Variants in FRMD3 observed in about 807,000 individuals in gnomAD.
The protein encoded by FRMD3 is FERM domain-containing protein 3.
A neutral mutation model predicts 70.2 loss-of-function variants in FRMD3; 33 were observed. The observed-to-expected ratio is 0.47, with a 90% CI of 0.36 to 0.63. The LOEUF (loss-of-function observed/expected upper bound fraction) is 0.63. FRMD3 is among the 20% of genes least tolerant of loss of function. The pLI, the probability that FRMD3 is intolerant of heterozygous loss-of-function variation, is 0.00. For synonymous variants in FRMD3, 279 were observed against 255.9 expected, an observed-to-expected ratio of 1.09 and a Z score of -0.86; for missense variants, 632 against 711.4, an observed-to-expected ratio of 0.89 and a Z score of 1.27.
At chr9:83,562,098 G>C in the FRMD3 span, among the ~76,000 whole-genome samples, 1 of 152,198 alleles carries the variant, frequency 6.6e-6, no homozygotes, top group African/African-American at 2.4e-5. Context: ...GGTCTTGGGA[G>C]GGTATGAGAT....
intron 13 of FRMD3, among the ~76,000 whole-genome samples, chr9:83,282,940 T>C (rs566957099): frequency 6.6e-6 from 1 of 152,260 alleles, no homozygotes; most frequent in Non-Finnish European, 1.5e-5. Flanking sequence ...TGAGCTTCCT[T>C]ACAACACAGT....
intron 1 of FRMD3, among the ~76,000 whole-genome samples, chr9:83,520,092 T>C (rs991245483): frequency 6.6e-6 from 1 of 152,130 alleles, no homozygotes; most frequent in Non-Finnish European, 1.5e-5. Context: ...TGTATACCTA[T>C]GTAACAAACC....
chr9:83,391,552 C>T (rs1825665731), intron 1 of FRMD3, among the ~76,000 whole-genome samples: 5 of 152,166 alleles, frequency 3.3e-5, no homozygotes, highest in Admixed American at 3.3e-4. Context: ...TTGAGCAGGC[C>T]TTGATTGTTC....
intron 6 of FRMD3, among the ~76,000 whole-genome samples, chr9:83,334,571 G>A (rs747062465): frequency 8.5e-5 from 13 of 152,134 alleles, no homozygotes; most frequent in Non-Finnish European, 1.6e-4. Context: ...AGTTCTTGCA[G>A]TTTTTCATCA....
intron 13 of FRMD3, among the ~76,000 whole-genome samples, chr9:83,272,691 T>C (rs1166812371): frequency 1.7e-5 from 2 of 117,080 alleles, no homozygotes; most frequent in African/African-American, 7.6e-5. Context: ...GTCTGGGAAG[T>C]GAGGAGCGCC....
At chr9:83,532,467 T>C (rs1829809202) in intron 1 of FRMD3, among the ~76,000 whole-genome samples, 2 of 152,188 alleles carry the variant, frequency 1.3e-5, no homozygotes, top group Admixed American at 1.3e-4. Flanking sequence ...TAGAATTTGA[T>C]CATACAAAGA....
intron 1 of FRMD3, among the ~76,000 whole-genome samples, chr9:83,475,066 C>A (rs1268546960): frequency 6.6e-6 from 1 of 152,138 alleles, no homozygotes; most frequent in Non-Finnish European, 1.5e-5. Flanking sequence ...AATACACCAT[C>A]AAGAGCCTCC....
At chr9:83,390,784 A>G (rs1317043841) in intron 1 of FRMD3, among the ~76,000 whole-genome samples, 1 of 152,210 alleles carries the variant, frequency 6.6e-6, no homozygotes, top group Non-Finnish European at 1.5e-5. Flanking sequence ...TAGAGATGTG[A>G]CCTATTAAAA....
chr9:83,311,929 A>G lies in FRMD3; in HGVS notation c.731T>C (p.Phe244Ser). 6.2e-7 allele frequency: 1 copy of G among 1,612,766 alleles called. No individual in the cohort carries two copies. The highest frequency in any genetic ancestry group is 8.5e-7 in the Non-Finnish European group (1 of 1,179,532). Residue 244 changes from phenylalanine to serine, a missense_variant, in exon 8 of 14, where the codon TTT becomes TCT. By Grantham distance (155) the Phe-to-Ser change is radical. Transcript: ENST00000304195. ...TCTCTTATTTCCCTGAAAGACCACA[A>G]AGCCTGCAGCTGTGAATCCTAAAAA... ...TTFLGFTAAGFVVFQGNKRIH... is the reference protein window; with the variant it reads ...TTFLGFTAAGSVVFQGNKRIH...
intron 13 of FRMD3, among the ~76,000 whole-genome samples, chr9:83,259,946 T>A (rs935580516): frequency 6.6e-6 from 1 of 152,144 alleles, no homozygotes; most frequent in African/African-American, 2.4e-5. Context: ...CTGGAAAATA[T>A]GATGGAGTGA....
intron 3 of FRMD3, among the ~76,000 whole-genome samples, chr9:83,352,544 C>T (rs1023964200): frequency 1.3e-5 from 2 of 152,208 alleles, no homozygotes; most frequent in Non-Finnish European, 2.9e-5. Context: ...GTTCTCCTCA[C>T]TTCAAGCTCT....
At chr9:83,357,293 ATAT>A (rs1404032460) in intron 3 of FRMD3, among the ~76,000 whole-genome samples, 10 of 87,264 alleles carry the variant, frequency 1.1e-4, no homozygotes, top group African/African-American at 4.2e-4. Flanking sequence ...ATATATATAT[ATAT>A]AAAACATTTT....
intron 1 of FRMD3, among the ~76,000 whole-genome samples, chr9:83,453,955 T>C (rs1049428549): frequency 2.0e-5 from 3 of 152,098 alleles, no homozygotes; most frequent in Admixed American, 6.6e-5. Flanking sequence ...GACCTCGTGA[T>C]CCATCTGCCT....
At chr9:83,330,336 A>AC (rs1256093705) in intron 6 of FRMD3, among the ~76,000 whole-genome samples, 1 of 136,606 alleles carries the variant, frequency 7.3e-6, no homozygotes, top group South Asian at 2.2e-4. Flanking sequence ...AAAAAAAAAA[A>AC]ACAAAAAAAA....
chr9:83,264,808 G>T lies in FRMD3; in HGVS notation c.1196-16292C>A, dbSNP rs576189590. Among the ~76,000 whole-genome samples, 11 of 126,178 alleles carry T rather than the reference G, an allele frequency of 8.7e-5. No individual in the cohort carries two copies. In the South Asian group the frequency reaches 1.2e-3, roughly 14 times the overall value. 82.8% of individuals were successfully genotyped at this position (126,178 alleles called of 152,430 possible). On this transcript the variant is annotated intron_variant, in intron 13 of 13. Transcript: ENST00000304195. ...TTGCAAAAAGTTGCTAACCAATTGT[G>T]GGGGGAGGGGGGAAGGTATATCCCT...
intron 6 of FRMD3, 97 bp downstream of exon 6, chr9:83,335,419 A>G (rs990503979): frequency 3.0e-5 from 39 of 1,314,556 alleles, no homozygotes; most frequent in Non-Finnish European, 3.9e-5. Context: ...TCCATACATT[A>G]CAAATATTCC....
the FRMD3 span, among the ~76,000 whole-genome samples, chr9:83,577,307 T>C: frequency 1.3e-5 from 2 of 152,036 alleles, no homozygotes; most frequent in Non-Finnish European, 2.9e-5. Context: ...CACTTTCCAA[T>C]TTCATAAAAG....
At chr9:83,495,044 CTT>C (rs751669955) in intron 1 of FRMD3, among the ~76,000 whole-genome samples, 3 of 110,466 alleles carry the variant, frequency 2.7e-5, no homozygotes, top group Non-Finnish European at 6.0e-5. Context: ...TTATGATTTA[CTT>C]AACCATTCTC....
the FRMD3 span, among the ~76,000 whole-genome samples, chr9:83,574,835 C>A: frequency 5.9e-5 from 9 of 152,084 alleles, no homozygotes; most frequent in Non-Finnish European, 1.0e-4. Flanking sequence ...TGTTGATTCT[C>A]CAACTTCCCC....
Sources: allele counts gnomAD v4.1 joint callset (sites outside exome capture counted in the v4.1 genomes callset), GRCh38; gene constraint gnomAD v4.1.1; transcripts MANE v1.5; gene names NCBI Gene and HGNC (gene_info 2026-07-23, HGNC 2026-07-21).